Variants in CCDC73 observed in about 807,000 individuals in gnomAD.
The protein encoded by CCDC73 is coiled-coil domain containing 73, also known as coiled-coil domain-containing protein 73.
Under a neutral mutation model 116.5 loss-of-function variants are expected in CCDC73, and 95 were observed. The observed-to-expected ratio is 0.82, with a 90% confidence interval of 0.69 to 0.97. The LOEUF is 0.97. Among genes scored for constraint, CCDC73 ranks in the 50% least tolerant of loss-of-function variants. The pLI is 0.00. For missense variants in CCDC73, 1,066 were observed against 1,206.8 expected, an observed-to-expected ratio of 0.88 and a Z score of 1.73; for synonymous variants, 398 against 401.3, an observed-to-expected ratio of 0.99 and a Z score of 0.10.
intron 6 of CCDC73, among the ~76,000 whole-genome samples, chr11:32,693,227 G>A (rs1001271284): frequency 7.9e-5 from 12 of 152,228 alleles, no homozygotes; most frequent in Non-Finnish European, 1.5e-5. Flanking sequence ...AGAGAAGTAA[G>A]TAACTAGCAA....
At chr11:32,816,412 G>A in the CCDC73 span, among the ~76,000 whole-genome samples, 17 of 152,094 alleles carry the variant, frequency 1.1e-4, 1 homozygote, top group African/African-American at 2.4e-5. Flanking sequence ...TGTTCCCAGT[G>A]TTTTGTGAAA....
upstream of CCDC73, chr11:32,794,720 T>C (rs192950860): frequency 6.6e-6 from 1 of 152,382 alleles, no homozygotes; most frequent in Admixed American, 6.5e-5. Flanking sequence ...TGGGTAATCT[T>C]GAGCATCTGG....
intron 17 of CCDC73, 87 bp from the exon 18 acceptor site, chr11:32,603,107 T>A: frequency 1.9e-6 from 2 of 1,065,750 alleles, no homozygotes; most frequent in Non-Finnish European, 2.7e-6. Flanking sequence ...TATGAGTATG[T>A]GGTAAAACCA....
intron 3 of CCDC73, among the ~76,000 whole-genome samples, chr11:32,717,834 C>T (rs948833635): frequency 3.3e-5 from 5 of 151,940 alleles, no homozygotes; most frequent in African/African-American, 7.3e-5. Flanking sequence ...TGATGGAAGG[C>T]GAAGGGGAAG....
At chr11:32,771,273 A>G (rs1180671034) in intron 1 of CCDC73, among the ~76,000 whole-genome samples, 1 of 152,154 alleles carries the variant, frequency 6.6e-6, no homozygotes, top group African/African-American at 2.4e-5. Flanking sequence ...CCCATTTGCA[A>G]ACAGAGGCCA....
intron 1 of CCDC73, among the ~76,000 whole-genome samples, chr11:32,770,842 T>C (rs1224773767): frequency 1.3e-5 from 2 of 152,158 alleles, no homozygotes; most frequent in African/African-American, 2.4e-5. Flanking sequence ...TTGGAGGATA[T>C]ACTATACAAA....
intron 9 of CCDC73, among the ~76,000 whole-genome samples, chr11:32,662,992 G>A (rs1403394833): frequency 1.1e-4 from 17 of 152,060 alleles, no homozygotes; most frequent in Non-Finnish European, 4.4e-5. Flanking sequence ...AAGATCAGAT[G>A]GTTGTAGATG....
At chr11:32,766,804 C>T (rs1318131780) in intron 1 of CCDC73, among the ~76,000 whole-genome samples, 2 of 152,098 alleles carry the variant, frequency 1.3e-5, no homozygotes, top group Non-Finnish European at 2.9e-5. Flanking sequence ...CAAACCACTG[C>T]TCAATGAAAT....
Position 32,763,313 on chromosome 11 carries a change from T to G in CCDC73, c.-15-3055A>C, listed in dbSNP as rs545454159. Reference sequence around the variant, plus strand: ...CAGACTGCCTCCTCAAGTGAGTCCCTGACCCCTGAGTAGCCTAACTGGGAG... The same window carrying G: ...CAGACTGCCTCCTCAAGTGAGTCCCGGACCCCTGAGTAGCCTAACTGGGAG... On this transcript the variant is annotated intron_variant, in intron 1 of 17. Coordinates refer to ENST00000335185, the MANE Select transcript of CCDC73 (RefSeq NM_001008391.4). 1.7e-3 allele frequency among the ~76,000 whole-genome samples: 252 copies of G among 152,362 alleles called. No individual in the cohort carries two copies. The Middle Eastern group carries it at 0.017, about 10-fold the overall frequency.
intron 3 of CCDC73, among the ~76,000 whole-genome samples, chr11:32,717,457 G>A (rs1232226259): frequency 1.3e-5 from 2 of 152,140 alleles, no homozygotes; most frequent in Admixed American, 6.5e-5. Flanking sequence ...TTTCTCAGAT[G>A]TAAAATAGTT....
chr11:32,810,029 CATTAT>C, the CCDC73 span, among the ~76,000 whole-genome samples: 3 of 152,290 alleles, frequency 2.0e-5, no homozygotes, highest in South Asian at 2.1e-4. Flanking sequence ...GCTCTAACTT[CATTAT>C]ATTATATGTA....
intron 1 of CCDC73, among the ~76,000 whole-genome samples, chr11:32,786,029 T>G (rs1850623821): frequency 6.6e-6 from 1 of 152,166 alleles, no homozygotes; most frequent in Non-Finnish European, 1.5e-5. Context: ...ATGCTGTTTT[T>G]GTAATTTTAA....
chr11:32,784,394 C>G (rs571587402), intron 1 of CCDC73, among the ~76,000 whole-genome samples: 1 of 151,624 alleles, frequency 6.6e-6, no homozygotes, highest in Non-Finnish European at 1.5e-5. Context: ...AAAATAATCA[C>G]AGAATATTAC....
intron 1 of CCDC73, among the ~76,000 whole-genome samples, chr11:32,777,065 T>A (rs1440431586): frequency 7.0e-6 from 1 of 143,268 alleles, no homozygotes; most frequent in Admixed American, 7.0e-5. Context: ...AGAAAAAACT[T>A]GACTACTTTC....
chr11:32,788,163 T>C (rs996477306), intron 1 of CCDC73, among the ~76,000 whole-genome samples: 2 of 152,226 alleles, frequency 1.3e-5, no homozygotes, highest in African/African-American at 4.8e-5. Flanking sequence ...TTTTGTTGCA[T>C]TGATTATACT....
At chr11:32,703,093 T>C in intron 3 of CCDC73, 149 bp from the exon 4 acceptor site, 2 of 650,800 alleles carry the variant, frequency 3.1e-6, no homozygotes, top group Non-Finnish European at 5.5e-6. Flanking sequence ...ACCAATTTTA[T>C]GATTATTTTT....
chr11:32,830,319 G>A, the CCDC73 span: 1 of 842,854 alleles, frequency 1.2e-6, no homozygotes, highest in Admixed American at 3.9e-5. Flanking sequence ...CACTGGGCAC[G>A]GCGTTTGTCC....
At chr11:32,796,296 C>A (rs931173029), upstream of CCDC73, among the ~76,000 whole-genome samples, 3 of 152,138 alleles carry the variant, frequency 2.0e-5, no homozygotes, top group Non-Finnish European at 4.4e-5. Context: ...CATGTAAATG[C>A]CAAATAAATT....
intron 14 of CCDC73, among the ~76,000 whole-genome samples, chr11:32,618,953 T>C (rs985226029): frequency 2.0e-5 from 3 of 152,354 alleles, no homozygotes; most frequent in Admixed American, 1.3e-4. Context: ...CATTTTTTCA[T>C]GTTTGTTGGC....
Sources: gnomAD v4.1 joint callset for allele counts (sites outside exome capture counted in the v4.1 genomes callset) on GRCh38, gnomAD v4.1.1 for gene constraint, MANE v1.5 for transcripts, NCBI Gene and HGNC (gene_info 2026-07-23, HGNC 2026-07-21) for gene names.